Variants in NF1 observed in about 807,000 individuals in gnomAD.
NF1 encodes neurofibromin 1.
NF1 carries 122 observed loss-of-function variants against 325.7 expected under a neutral mutation model. The ratio of observed to expected loss-of-function variants is 0.37; its 90% CI spans 0.32 to 0.44. The LOEUF is 0.44. Among genes scored for constraint, NF1 ranks in the 20% least tolerant of loss-of-function variants. NF1 has a pLI of 1.00. For synonymous variants in NF1, 1,091 were observed against 1,186.0 expected, an observed-to-expected ratio of 0.92 and a Z score of 1.65; for missense variants, 2,140 against 3,415.4, an observed-to-expected ratio of 0.63 and a Z score of 9.31.
intron 5 of NF1, among the ~76,000 whole-genome samples, chr17:31,174,424 A>G (rs2065983460): frequency 6.6e-6 from 1 of 152,208 alleles, no homozygotes; most frequent in South Asian, 2.1e-4. Flanking sequence ...CAAGGGCCCT[A>G]AAAATATTCA....
intron 39 of NF1, among the ~76,000 whole-genome samples, chr17:31,334,111 C>G (rs1380919679): frequency 6.6e-6 from 1 of 151,980 alleles, no homozygotes; most frequent in Non-Finnish European, 1.5e-5. Context: ...ACAGTGAAAC[C>G]CCGTCTCTAC....
intron 48 of NF1, among the ~76,000 whole-genome samples, chr17:31,344,566 C>A (rs534738377): frequency 2.7e-4 from 41 of 152,198 alleles, no homozygotes; most frequent in Non-Finnish European, 5.9e-4. Context: ...GAGATTCTCC[C>A]AGTTTTTATG....
In NF1 at chr17:31,151,032, C is replaced by G. The variant is rs113988651; in HGVS notation, c.61-4951C>G. Among the ~76,000 whole-genome samples the G allele has an allele frequency of 3.2e-3, 290 of 91,048 alleles. 2 individuals are homozygous for G. The highest frequency in any genetic ancestry group is 7.8e-3 in the African/African-American group (266 of 34,020). The allele number at this position is 91,048 out of a possible 152,430, so 59.7% of individuals were successfully genotyped here. The stretch of plus-strand genomic sequence containing the variant: ...CCTGGGTGACAGAGCAAGGCTCTGT[C>G]TCAAAAAAAAAATAAATAAATAAAT... On this transcript the variant is annotated intron_variant, in intron 1 of 57. Coordinates refer to ENST00000358273, the MANE Select transcript of NF1 (RefSeq NM_001042492.3).
chr17:31,330,754 A>C, intron 39 of NF1: 1 of 415,440 alleles, frequency 2.4e-6, no homozygotes, highest in Non-Finnish European at 4.3e-6. Flanking sequence ...ACACCTCTGG[A>C]CCACTTACAA....
At chr17:31,248,386 C>G (rs1339782674) in intron 29 of NF1, among the ~76,000 whole-genome samples, 4 of 152,140 alleles carry the variant, frequency 2.6e-5, no homozygotes, top group African/African-American at 4.8e-5. Context: ...TCTCAGAGAT[C>G]ATGTTTCTAA....
chr17:31,135,747 T>C (rs535691583), intron 1 of NF1, among the ~76,000 whole-genome samples: 1 of 152,106 alleles, frequency 6.6e-6, no homozygotes, highest in East Asian at 1.9e-4. Context: ...AAAAACATTT[T>C]TTTTTTTTGT....
intron 1 of NF1, chr17:31,137,306 T>TA (rs1915851711): frequency 6.6e-6 from 1 of 152,226 alleles, no homozygotes; most frequent in Admixed American, 6.5e-5. Context: ...GAACTACAAT[T>TA]AGATGTATGT....
Position 31,249,060 on chromosome 17 carries a change from A to G in NF1, c.4051A>G (p.Ile1351Val), listed in dbSNP as rs1233135542. 6.2e-7 allele frequency: 1 copy of G among 1,614,174 alleles called. No individual in the cohort carries two copies. ...QMTEKFFHAI[I>V]SSSSEFPPQL... ...GACTGAAAAGTTCTTCCATGCCATC[A>G]TCAGTTCCTCCTCAGAATTCCCCCC... Residue 1351 changes from isoleucine to valine, a missense_variant, in exon 30 of 58, where the codon ATC becomes GTC. Ile to Val is a conservative substitution (Grantham distance 29). Transcript: ENST00000358273.
intron 1 of NF1, among the ~76,000 whole-genome samples, chr17:31,142,739 C>T (rs1163530962): frequency 3.3e-5 from 5 of 151,896 alleles, no homozygotes; most frequent in Non-Finnish European, 2.9e-5. Context: ...TGGTGGCAGG[C>T]GCCTGTAGTC....
chr17:31,325,441 G>A (rs1303253451), intron 36 of NF1, among the ~76,000 whole-genome samples: 2 of 152,166 alleles, frequency 1.3e-5, no homozygotes, highest in Non-Finnish European at 1.5e-5. Flanking sequence ...GATCAAGGTG[G>A]GATAAATGGA....
At chr17:31,258,559 C>G (rs2067626384) in intron 32 of NF1, 57 bp downstream of exon 32, 1 of 1,559,608 alleles carries the variant, frequency 6.4e-7, no homozygotes, top group East Asian at 2.3e-5. Context: ...AAATTTTCAG[C>G]TTTTCTTACA....
At chr17:31,320,928 G>A (rs1008769663) in intron 36 of NF1, 3 of 153,148 alleles carry the variant, frequency 2.0e-5, no homozygotes, top group Non-Finnish European at 2.9e-5. Context: ...ATACATCATA[G>A]TATTGGTACA....
At chr17:31,175,161 G>A (rs568388355) in intron 5 of NF1, among the ~76,000 whole-genome samples, 1 of 149,502 alleles carries the variant, frequency 6.7e-6, no homozygotes, top group South Asian at 2.1e-4. Context: ...AAATAATTAG[G>A]GATACTATGG....
rs2151603853 is a variant in NF1 at position 31,377,246 on chromosome 17, AT to A, written c.*3092del. On this transcript the variant is annotated 3_prime_UTR_variant, in exon 58 of 58. Coordinates refer to ENST00000358273, the MANE Select transcript of NF1 (RefSeq NM_001042492.3). ...ATTTGACAAAAAAAGTATATTTACT[AT>A]ACTGTAAATATATGTGATGATATAT... 4.3e-6 allele frequency: 1 copy of A among 233,470 alleles called. No homozygotes were observed. The highest frequency in any genetic ancestry group is 6.0e-5 in the East Asian group (1 of 16,546). The allele number at this position is 233,470 out of a possible 1,614,324, so 14.5% of individuals were successfully genotyped here. A position where few individuals can be genotyped will look rare whatever the true frequency, so the allele number is the denominator to read the frequency against.
At chr17:31,330,027 G>A (rs997613968) in intron 38 of NF1, among the ~76,000 whole-genome samples, 4 of 152,124 alleles carry the variant, frequency 2.6e-5, no homozygotes, top group African/African-American at 9.7e-5. Context: ...TGTATTTTAG[G>A]AAAGCCTATA....
chr17:31,196,730 G>T (rs2066440157), intron 8 of NF1, among the ~76,000 whole-genome samples: 1 of 152,136 alleles, frequency 6.6e-6, no homozygotes, highest in African/African-American at 2.4e-5. Flanking sequence ...TGTAAGAAAA[G>T]GGTCCATCTT....
intron 11 of NF1, among the ~76,000 whole-genome samples, chr17:31,202,438 A>G (rs1051588501): frequency 2.6e-5 from 4 of 152,212 alleles, no homozygotes; most frequent in African/African-American, 9.6e-5. Flanking sequence ...AATACTGCCC[A>G]TATTCTATCC....
In NF1 at chr17:31,325,939, A is replaced by G. The variant is rs775874538; in HGVS notation, c.4955A>G (p.Asn1652Ser). 6.2e-7 allele frequency: 1 copy of G among 1,614,198 alleles called. No individual in the cohort carries two copies. Among genetic ancestry groups the G allele is most frequent in the Non-Finnish European group, 8.5e-7 (1 of 1,180,032 alleles). ...VVDLTHTGPS[N>S]RFKTDFLSKW... Reference sequence around the variant, plus strand: ...GACCTTACCCATACCGGGCCTAGCAATCGCTTTAAAACAGACTTTCTCTCT... The same window carrying G: ...GACCTTACCCATACCGGGCCTAGCAGTCGCTTTAAAACAGACTTTCTCTCT... Residue 1652 changes from asparagine to serine, a missense_variant, in exon 37 of 58, where the codon AAT (asparagine) becomes AGT (serine). Physicochemically the swap from Asn to Ser is conservative, Grantham distance 46 (BLOSUM62 1). Around this residue, in one of 10 missense-constraint regions of NF1, gnomAD observed 103 missense variants for 214.6 expected, o/e 0.48. Transcript: ENST00000358273.
intron 1 of NF1, among the ~76,000 whole-genome samples, chr17:31,097,820 C>G (rs1911899313): frequency 6.6e-6 from 1 of 152,062 alleles, no homozygotes; most frequent in African/African-American, 2.4e-5. Flanking sequence ...CTTCAGTCTC[C>G]CAAGTAGCTG....
Sources: gnomAD v4.1 joint callset for allele counts (sites outside exome capture counted in the v4.1 genomes callset) on GRCh38, gnomAD v4.1.1 for gene constraint, gnomAD v4.1.1 regional missense constraint, MANE v1.5 for transcripts, NCBI Gene and HGNC (gene_info 2026-07-23, HGNC 2026-07-21) for gene names.